SLC4A8: variants seen among roughly 807,000 people sequenced by gnomAD.
SLC4A8 encodes solute carrier family 4 member 8.
A neutral mutation model predicts 125.0 loss-of-function variants in SLC4A8; 40 were observed. The ratio of observed to expected loss-of-function variants is 0.32; its 90% CI spans 0.25 to 0.42. SLC4A8 has a LOEUF of 0.42. Ranked by LOEUF, SLC4A8 falls within the 10% of genes least tolerant of loss-of-function variation. The probability of loss-of-function intolerance (pLI) is 1.00; values close to 1 mark genes in which losing one functional copy is unlikely to be tolerated. For missense variants in SLC4A8, 863 were observed against 1,355.1 expected (o/e 0.64, Z 5.70); for synonymous variants, 456 against 476.0 (o/e 0.96, Z 0.55).
chr12:51,441,790 G>A (rs1949607038), intron 2 of SLC4A8, among the ~76,000 whole-genome samples: 1 of 152,268 alleles, frequency 6.6e-6, no homozygotes, highest in South Asian at 2.1e-4. Context: ...TCCTTTTGAT[G>A]GGGAGAACGG....
chr12:51,510,499 A>G lies in SLC4A8; in HGVS notation c.*3061A>G, dbSNP rs750066811. On this transcript the variant is annotated 3_prime_UTR_variant, in exon 25 of 25. Transcript: ENST00000453097. ...TCTCGAATGCATGAATGATATATCAATTTGAAGTTTCTCGACCTTTCCATC... is the reference window on the plus strand; with the variant it reads ...TCTCGAATGCATGAATGATATATCAGTTTGAAGTTTCTCGACCTTTCCATC... 3 of 151,972 alleles carry G rather than the reference A, an allele frequency of 2.0e-5. No homozygotes were observed. Among genetic ancestry groups the G allele is most frequent in the Non-Finnish European group, 2.9e-5 (2 of 67,988 alleles). 9.4% of individuals were successfully genotyped at this position (151,972 alleles called of 1,614,324 possible).
Position 51,494,929 on chromosome 12 carries a change from A to G in SLC4A8, c.2770-16A>G. 1 of 1,609,842 alleles carries G rather than the reference A, an allele frequency of 6.2e-7. No homozygotes were observed. Among genetic ancestry groups the G allele is most frequent in the African/African-American group, 1.3e-5 (1 of 74,910 alleles). The stretch of plus-strand genomic sequence containing the variant: ...GAATGCCCTCCTGAAAATAAATGCC[A>G]GTTCCTTCCTTTCAGTTCTTTGATC... On this transcript the variant is annotated splice_polypyrimidine_tract_variant and intron_variant, in intron 20 of 24. Transcript: ENST00000453097.
chr12:51,401,495 A>G (rs947601598), intron 1 of SLC4A8, among the ~76,000 whole-genome samples: 3 of 152,094 alleles, frequency 2.0e-5, no homozygotes, highest in African/African-American at 7.2e-5. Context: ...CCGTGGGCCG[A>G]TGGCGTGCCA....
intron 1 of SLC4A8, among the ~76,000 whole-genome samples, chr12:51,428,617 A>G (rs1457222542): frequency 6.6e-6 from 1 of 152,110 alleles, no homozygotes; most frequent in African/African-American, 2.4e-5. Flanking sequence ...TCATTCTATT[A>G]TATTCGTCAC....
intron 22 of SLC4A8, among the ~76,000 whole-genome samples, chr12:51,501,525 A>G (rs1937884746): frequency 6.6e-6 from 1 of 152,222 alleles, no homozygotes; most frequent in Non-Finnish European, 1.5e-5. Flanking sequence ...CATGGTGTAT[A>G]CATACTACAG....
chr12:51,418,069 T>C (rs79043490), intron 1 of SLC4A8, among the ~76,000 whole-genome samples: 2,184 of 152,290 alleles, frequency 0.014, 56 homozygotes, highest in East Asian at 0.1. Flanking sequence ...ATGCCCTGTC[T>C]CAGAAAGATA....
At chr12:51,401,939 AT>A (rs139226099) in intron 1 of SLC4A8, among the ~76,000 whole-genome samples, 1 of 150,316 alleles carries the variant, frequency 6.7e-6, no homozygotes. Context: ...TAATTTTTCT[AT>A]TTTTTTTTGT....
intron 22 of SLC4A8, among the ~76,000 whole-genome samples, chr12:51,503,412 C>A (rs569278803): frequency 7.3e-5 from 11 of 151,322 alleles, no homozygotes; most frequent in Non-Finnish European, 1.3e-4. Flanking sequence ...GAGGTTTCAC[C>A]GTGTTAGCCA....
At chr12:51,504,645 T>A (rs1418869498) in intron 23 of SLC4A8, among the ~76,000 whole-genome samples, 1 of 152,232 alleles carries the variant, frequency 6.6e-6, no homozygotes, top group Non-Finnish European at 1.5e-5. Flanking sequence ...CTCAGCCTAG[T>A]AGGCATGAAA....
intron 1 of SLC4A8, among the ~76,000 whole-genome samples, chr12:51,410,838 T>G (rs891713446): frequency 6.6e-6 from 1 of 151,628 alleles, no homozygotes; most frequent in Non-Finnish European, 1.5e-5. Context: ...GGATTTCCTA[T>G]CTCTTCGAAC....
intron 1 of SLC4A8, among the ~76,000 whole-genome samples, chr12:51,436,517 T>A (rs1175009859): frequency 6.6e-6 from 1 of 152,208 alleles, no homozygotes; most frequent in African/African-American, 2.4e-5. Context: ...AAAGTCTAGT[T>A]TCTATCTTTG....
chr12:51,512,072 T>C lies in SLC4A8; in HGVS notation c.*4634T>C, dbSNP rs1481742081. On this transcript the variant is annotated 3_prime_UTR_variant, in exon 25 of 25. Transcript: ENST00000453097. ...TGGAATTTTGCATGTGTCTGTTCCA[T>C]ATCCCGCTGGTAACCAGCTTACAGA... The C allele has an allele frequency of 6.6e-6, 1 of 152,368 alleles. No individual in the cohort carries two copies. Among genetic ancestry groups the C allele is most frequent in the African/African-American group, 2.4e-5 (1 of 41,594 alleles). The allele number at this position is 152,368 out of a possible 1,614,324, so 9.4% of individuals were successfully genotyped here.
intron 22 of SLC4A8, among the ~76,000 whole-genome samples, chr12:51,501,460 A>T (rs1217633572): frequency 6.6e-6 from 1 of 152,154 alleles, no homozygotes; most frequent in Non-Finnish European, 1.5e-5. Context: ...CTCCAGCTGC[A>T]TCCATGTTGC....
Position 51,452,204 on chromosome 12 carries a change from C to T in SLC4A8, c.358C>T (p.Leu120=), listed in dbSNP as rs776657368. The change falls in exon 4 of 25, where the codon CTG becomes TTG. Residue 120 remains leucine (L), a synonymous_variant. Coordinates refer to ENST00000453097, the MANE Select transcript of SLC4A8 (RefSeq NM_001039960.3). ...TGTGCCTCATGAGCTGTTTACAGAG[C>T]TGGATGAGATCTGTATGAAAGAGGG... The part of the protein sequence containing the change: ...EHVPHELFTE[L]DEICMKEGED... 8 of 1,614,008 alleles carry T rather than the reference C, an allele frequency of 5.0e-6. No homozygotes were observed. In the African/African-American group the frequency reaches 1.1e-4, roughly 22 times the overall value.
intron 5 of SLC4A8, 24 bp downstream of exon 5, chr12:51,453,723 G>A (rs1950038540): frequency 6.3e-7 from 1 of 1,598,246 alleles, no homozygotes; most frequent in Non-Finnish European, 8.6e-7. Context: ...AGGGAAAACA[G>A]AGCAACTTTC....
At chr12:51,501,017 G>T (rs1937853066) in intron 22 of SLC4A8, among the ~76,000 whole-genome samples, 1 of 152,142 alleles carries the variant, frequency 6.6e-6, no homozygotes, top group Admixed American at 6.5e-5. Flanking sequence ...TTTTAGTAGA[G>T]ACCGGGTTTC....
At chr12:51,486,609 A>G (rs537818395) in intron 17 of SLC4A8, among the ~76,000 whole-genome samples, 13 of 152,354 alleles carry the variant, frequency 8.5e-5, no homozygotes, top group Admixed American at 6.5e-4. Flanking sequence ...GCTCAGTTCT[A>G]TAGAGCCCCA....
At chr12:51,399,023 A>G (rs542805398) in intron 1 of SLC4A8, among the ~76,000 whole-genome samples, 1 of 152,366 alleles carries the variant, frequency 6.6e-6, no homozygotes, top group East Asian at 1.9e-4. Context: ...TGCTGGGATT[A>G]CAGGCGTGAG....
intron 16 of SLC4A8, among the ~76,000 whole-genome samples, chr12:51,477,315 C>T (rs1407398743): frequency 6.6e-6 from 1 of 152,062 alleles, no homozygotes; most frequent in African/African-American, 2.4e-5. Context: ...ACTACAAAAC[C>T]TGTGATGGTT....
Sources: gnomAD v4.1 joint callset for allele counts (sites outside exome capture counted in the v4.1 genomes callset) on GRCh38, gnomAD v4.1.1 for gene constraint, MANE v1.5 for transcripts, NCBI Gene and HGNC (gene_info 2026-07-23, HGNC 2026-07-21) for gene names.